Variants in RIMBP2 observed in about 807,000 individuals in gnomAD.
RIMBP2 encodes RIMS binding protein 2, also known as RIMS-binding protein 2.
Under a neutral mutation model 118.6 loss-of-function variants are expected in RIMBP2, and 48 were observed. The observed-to-expected ratio is 0.40, with a 90% CI of 0.32 to 0.51. RIMBP2 has a LOEUF of 0.51. RIMBP2 is among the 20% of genes least tolerant of loss of function. The probability of loss-of-function intolerance (pLI) is 0.41; values close to 1 mark genes in which losing one functional copy is unlikely to be tolerated. For synonymous variants in RIMBP2, 762 were observed against 742.9 expected (o/e 1.03, Z -0.42); for missense variants, 1,551 against 1,768.3 (o/e 0.88, Z 2.20).
rs1949799759 is a variant in RIMBP2 at position 130,710,129 on chromosome 12, C to CTT, written c.-352+6092_-352+6093insAA. 1.3e-5 allele frequency among the ~76,000 whole-genome samples: 2 copies of CTT among 152,180 alleles called. No homozygotes were observed. Among genetic ancestry groups the CTT allele is most frequent in the Non-Finnish European group, 2.9e-5 (2 of 68,032 alleles). ...CCTGTGGTCCCAGCTGCTCCAAAAA[C>CTT]ACCCAAGGAGCAATTTCTGCACATA... is the stretch of plus-strand genomic sequence containing the variant. On this transcript the variant is annotated intron_variant, in intron 1 of 22. Coordinates refer to ENST00000690449, the MANE Select transcript of RIMBP2 (RefSeq NM_001393629.1). The surrounding 1 kb of genome is among the most constrained non-coding windows in gnomAD (Gnocchi z 4.3).
chr12:130,552,565 G>C lies in RIMBP2; in HGVS notation c.-216-34648C>G, dbSNP rs978128418. On this transcript the variant is annotated intron_variant, in intron 2 of 22. Transcript: ENST00000690449. ...AAATATGACATCTTAAAAACTGCTG[G>C]TGAGCAGATCAGGAAATGAGCATCA... is the stretch of plus-strand genomic sequence containing the variant. Among the ~76,000 whole-genome samples, 9 of 152,166 alleles carry C rather than the reference G, an allele frequency of 5.9e-5. No homozygotes were observed. In the East Asian group the frequency reaches 1.7e-3, roughly 29 times the overall value.
chr12:130,618,477 A>G (rs1015826566), intron 2 of RIMBP2, among the ~76,000 whole-genome samples: 2 of 152,266 alleles, frequency 1.3e-5, no homozygotes, highest in Non-Finnish European at 1.5e-5. Flanking sequence ...GGTTCCCTTC[A>G]GTCTTAGGTT....
chr12:130,558,707 C>G (rs7303484), intron 2 of RIMBP2, among the ~76,000 whole-genome samples: 142,919 of 152,222 alleles, frequency 0.94, 67,774 homozygotes, highest in East Asian at 1. Context: ...GGGCTGGTCC[C>G]AGCAGCGCAT....
chr12:130,588,012 G>A (rs2059023696), intron 2 of RIMBP2, among the ~76,000 whole-genome samples: 1 of 151,738 alleles, frequency 6.6e-6, no homozygotes, highest in Non-Finnish European at 1.5e-5. Flanking sequence ...AGCAAGCCGG[G>A]GTCCTCGCCT....
intron 1 of RIMBP2, among the ~76,000 whole-genome samples, chr12:130,694,111 T>G (rs2065462723): frequency 6.6e-6 from 1 of 152,150 alleles, no homozygotes; most frequent in African/African-American, 2.4e-5. Context: ...TCCAGGACAT[T>G]TATCCCAAGC....
At chr12:130,631,589 C>A (rs1191302000) in intron 1 of RIMBP2, among the ~76,000 whole-genome samples, 1 of 152,076 alleles carries the variant, frequency 6.6e-6, no homozygotes, top group East Asian at 1.9e-4. Context: ...CCCTGAAAGG[C>A]AAAACTGCCC....
chr12:130,682,205 C>A (rs1442863692), intron 1 of RIMBP2, among the ~76,000 whole-genome samples: 1 of 152,186 alleles, frequency 6.6e-6, no homozygotes, highest in Non-Finnish European at 1.5e-5. Flanking sequence ...CTCGTCCGCC[C>A]TCCCTTCCCC....
intron 2 of RIMBP2, among the ~76,000 whole-genome samples, chr12:130,589,105 T>C (rs570896078): frequency 2.1e-4 from 32 of 152,256 alleles, no homozygotes; most frequent in African/African-American, 7.7e-4. Flanking sequence ...AATATTCAGA[T>C]CTCCAGTGAC....
At position 130,442,460 on chromosome 12, in the gene RIMBP2, T is replaced by G; in HGVS notation, c.892A>C (p.Ser298Arg). The change falls in exon 11 of 23, where the codon AGT (serine) becomes CGT (arginine). Residue 298 changes from serine (S) to arginine (R), a missense_variant. By Grantham distance (110) the Ser-to-Arg change is moderately radical. Coordinates refer to ENST00000690449, the MANE Select transcript of RIMBP2 (RefSeq NM_001393629.1). The surrounding 1 kb of genome is among the most constrained non-coding windows in gnomAD (Gnocchi z 6.9). ...THIDAGITDN[S>R]AGTLDVNIDD... ...ATGTTCACGTCCAGGGTCCCGGCAC[T>G]GTTGTCGGTGATGCCCGCATCTATG... 1 of 1,614,182 alleles carries G rather than the reference T, an allele frequency of 6.2e-7. No homozygotes were observed. Among genetic ancestry groups the G allele is most frequent in the East Asian group, 2.2e-5 (1 of 44,876 alleles).
At chr12:130,694,433 C>A (rs1021959011) in intron 1 of RIMBP2, among the ~76,000 whole-genome samples, 4 of 152,228 alleles carry the variant, frequency 2.6e-5, no homozygotes, top group South Asian at 2.1e-4. Flanking sequence ...CTACCCATGA[C>A]CTTCAGGACA....
intron 2 of RIMBP2, among the ~76,000 whole-genome samples, chr12:130,566,607 G>C (rs567883417): frequency 6.6e-6 from 1 of 152,162 alleles, no homozygotes; most frequent in Non-Finnish European, 1.5e-5. Context: ...GCCAGCAACC[G>C]CACCAGACAA....
rs749212896 is a variant in RIMBP2, at chr12:130,412,668, C to T, written c.3540G>A (p.Gln1180=). ...GAGGGAGAAAGCCCTGTCTAAGAAG[C>T]TGATCCATCATCTCCTCATCATCTG... ...IQADDEEMMD[Q]LLRQGFLPLN... The change falls in exon 19 of 23, where the codon CAG becomes CAA. Residue 1180 remains glutamine, a synonymous_variant. Transcript: ENST00000690449. The T allele has an allele frequency of 6.2e-7, 1 of 1,613,950 alleles. No individual in the cohort carries two copies.
intron 17 of RIMBP2, among the ~76,000 whole-genome samples, chr12:130,415,647 A>G (rs2076052938): frequency 1.3e-5 from 1 of 78,808 alleles, no homozygotes; most frequent in South Asian, 4.8e-4. Flanking sequence ...TATAGGAAAC[A>G]AGAAGTCAAA....
intron 4 of RIMBP2, among the ~76,000 whole-genome samples, chr12:130,480,174 G>A (rs2081838786): frequency 6.1e-5 from 9 of 147,406 alleles, no homozygotes. Flanking sequence ...CAAAATGCTA[G>A]AATTTCATTG....
chr12:130,547,016 A>G (rs1278730876), intron 2 of RIMBP2, among the ~76,000 whole-genome samples: 1 of 152,156 alleles, frequency 6.6e-6, no homozygotes, highest in Non-Finnish European at 1.5e-5. Context: ...GACAGTTGTT[A>G]TCATTGCTGT....
At chr12:130,407,672 G>A (rs1283494370) in intron 20 of RIMBP2, 54 bp downstream of exon 20, 6 of 1,386,626 alleles carry the variant, frequency 4.3e-6, no homozygotes, top group African/African-American at 4.3e-5. Flanking sequence ...TGTACCACGA[G>A]GGAAGGGAAG....
rs147733356 is a variant in RIMBP2, at chr12:130,708,780, C to T, written c.-352+7442G>A. Among the ~76,000 whole-genome samples the T allele has an allele frequency of 2.2e-3, 339 of 152,332 alleles. 2 individuals carry two copies. The highest frequency in any genetic ancestry group is 7.7e-3 in the African/African-American group (320 of 41,576). ...CTTCTCTAAGAGGCTCGCGTGGGCC[C>T]TGGACACAGGCGTGTTTCAGAGCTC... is the stretch of plus-strand genomic sequence containing the variant. On this transcript the variant is annotated intron_variant, in intron 1 of 22. Transcript: ENST00000690449.
chr12:130,684,911 T>C (rs958059451), intron 1 of RIMBP2, among the ~76,000 whole-genome samples: 16 of 152,190 alleles, frequency 1.1e-4, no homozygotes, highest in African/African-American at 3.4e-4. Flanking sequence ...GCTTTCACTC[T>C]GCACTGCAGA....
intron 6 of RIMBP2, among the ~76,000 whole-genome samples, chr12:130,458,559 G>T (rs547262963): frequency 7.2e-5 from 11 of 152,328 alleles, no homozygotes; most frequent in Non-Finnish European, 1.6e-4. Context: ...TGCAGGCAAG[G>T]CCGGACCCCG....
Sources: gnomAD v4.1 joint callset for allele counts (sites outside exome capture counted in the v4.1 genomes callset) on GRCh38, gnomAD v4.1.1 for gene constraint, Gnocchi (gnomAD v3.1) non-coding constraint, MANE v1.5 for transcripts, NCBI Gene and HGNC (gene_info 2026-07-23, HGNC 2026-07-21) for gene names.